Variants in GNA13 observed in about 807,000 individuals in gnomAD.
GNA13 encodes the protein G protein subunit alpha 13.
In GNA13, 4 loss-of-function variants were observed where a neutral mutation model predicts 33.5. The ratio of observed to expected loss-of-function variants is 0.12; its 90% CI spans 0.06 to 0.27. The LOEUF is 0.27. Among genes scored for constraint, GNA13 ranks in the 10% least tolerant of loss-of-function variants. The pLI, the probability that GNA13 is intolerant of heterozygous loss-of-function variation, is 1.00. For synonymous variants in GNA13, 176 were observed against 183.8 expected (o/e 0.96, Z 0.34); for missense variants, 319 against 487.2 (o/e 0.65, Z 3.25).
Position 65,056,561 on chromosome 17 carries a change from C to T in GNA13, c.33G>A (p.Leu11=). 1.9e-6 allele frequency: 3 copies of T among 1,610,688 alleles called. No individual in the cohort carries two copies. Among genetic ancestry groups the T allele is most frequent in the Non-Finnish European group, 8.5e-7 (1 of 1,179,374 alleles). ...GCAGGCAGCCGGGGAAGCACACGGA[C>T]AGCACGGACCGCGACGGCAGGAAGT... MADFLPSRSV[L]SVCFPGCLLT... is the part of the protein sequence containing the mutation. Residue 11 remains leucine (L), a synonymous_variant, in exon 1 of 4, where the codon CTG becomes CTA. Coordinates refer to ENST00000439174, the MANE Select transcript of GNA13 (RefSeq NM_006572.6).
At chr17:65,031,900 G>GAA (rs1196603641) in intron 2 of GNA13, among the ~76,000 whole-genome samples, 92 of 139,668 alleles carry the variant, frequency 6.6e-4, no homozygotes, top group African/African-American at 2.4e-3. Context: ...GAGAGAAAGA[G>GAA]AGAGAGAGAG....
At chr17:65,050,637 C>A (rs1295721480) in intron 2 of GNA13, among the ~76,000 whole-genome samples, 1 of 152,044 alleles carries the variant, frequency 6.6e-6, no homozygotes, top group African/African-American at 2.4e-5. Context: ...GAGACTGAAG[C>A]TGGAGAATCA....
At chr17:65,051,192 T>C (rs1387911399) in intron 2 of GNA13, among the ~76,000 whole-genome samples, 1 of 152,228 alleles carries the variant, frequency 6.6e-6, no homozygotes, top group Admixed American at 6.5e-5. Flanking sequence ...ATGCACTGTA[T>C]GCTTATTACA....
chr17:65,016,040 C>T (rs544092264), intron 3 of GNA13, among the ~76,000 whole-genome samples: 12 of 152,234 alleles, frequency 7.9e-5, no homozygotes, highest in African/African-American at 2.9e-4. Context: ...ACTCTAAGAC[C>T]CTGAACAAAC....
intron 2 of GNA13, among the ~76,000 whole-genome samples, chr17:65,051,419 C>T (rs1907854065): frequency 6.6e-6 from 1 of 152,122 alleles, no homozygotes. Context: ...AGTTAGAGAC[C>T]AGCTTGACCA....
intron 2 of GNA13, among the ~76,000 whole-genome samples, chr17:65,031,908 G>A (rs1354179227): frequency 7.1e-6 from 1 of 141,560 alleles, no homozygotes; most frequent in African/African-American, 3.0e-5. Flanking sequence ...GAGAGAGAGA[G>A]AGAGAGAGAG....
At chr17:65,037,787 A>AAAAAAAAAAAAAAAAAAAAAAC (rs1397963374) in intron 2 of GNA13, among the ~76,000 whole-genome samples, 5 of 149,148 alleles carry the variant, frequency 3.4e-5, no homozygotes, top group Admixed American at 6.7e-5. Flanking sequence ...GGAAAAAAAA[A>AAAAAAAAAAAAAAAAAAAAAAC]AAAAAAAAAA....
At chr17:65,019,541 A>G (rs1341337016) in intron 2 of GNA13, among the ~76,000 whole-genome samples, 1 of 152,026 alleles carries the variant, frequency 6.6e-6, no homozygotes, top group Non-Finnish European at 1.5e-5. Context: ...AGTGTAGGTC[A>G]CTATGTTAAG....
At chr17:65,029,533 G>A (rs1906923419) in intron 2 of GNA13, among the ~76,000 whole-genome samples, 1 of 152,114 alleles carries the variant, frequency 6.6e-6, no homozygotes, top group African/African-American at 2.4e-5. Flanking sequence ...AGAATTTAAT[G>A]TATCCTGATT....
intron 2 of GNA13, among the ~76,000 whole-genome samples, chr17:65,025,609 C>T (rs1906749290): frequency 1.3e-5 from 2 of 152,108 alleles, no homozygotes; most frequent in South Asian, 4.1e-4. Context: ...ATTAAACTTA[C>T]AAAATTAATT....
Position 65,014,385 on chromosome 17 carries a change from C to A in GNA13, c.1006G>T (p.Asp336Tyr). Residue 336 changes from aspartate to tyrosine, a missense_variant, in exon 4 of 4, where the codon GAC becomes TAC. Coordinates refer to ENST00000439174, the MANE Select transcript of GNA13 (RefSeq NM_006572.6). This position sits in a 1 kb window ranked among gnomAD's most constrained non-coding sequence, Gnocchi z 5.3. Reference protein sequence around the residue: ...LVECFRNKRRDQQQKPLYHHF... With the variant: ...LVECFRNKRRYQQQKPLYHHF... Reference sequence around the variant, plus strand: ...TGGTATAAGGGCTTCTGTTGCTGGTCCCGGCGTTTGTTCCGGAAACATTCC... The same window carrying A: ...TGGTATAAGGGCTTCTGTTGCTGGTACCGGCGTTTGTTCCGGAAACATTCC... 6.2e-7 allele frequency: 1 copy of A among 1,614,034 alleles called. No individual in the cohort carries two copies.
rs540052064 is a variant in GNA13, at chr17:65,027,335, A to G, written c.511-9032T>C. On this transcript the variant is annotated intron_variant, in intron 2 of 3. Transcript: ENST00000439174. The stretch of plus-strand genomic sequence containing the variant: ...CCGCCTTTTTTTTTTTTTTAAAGAG[A>G]TAGGTTTTCACTATGTTTCCCAGGC... 6.5e-5 allele frequency among the ~76,000 whole-genome samples: 9 copies of G among 138,452 alleles called. No homozygotes were observed. The East Asian group carries it at 2.1e-3, about 33-fold the overall frequency. The allele number at this position is 138,452 out of a possible 152,430, so 90.8% of individuals were successfully genotyped here. A position where few individuals can be genotyped will look rare whatever the true frequency, so the allele number is the denominator to read the frequency against.
chr17:65,020,604 A>G (rs746594239), intron 2 of GNA13, among the ~76,000 whole-genome samples: 12 of 152,104 alleles, frequency 7.9e-5, no homozygotes, highest in Non-Finnish European at 1.3e-4. Context: ...TGCTGGTTGT[A>G]ACTTGAGGCT....
chr17:65,054,479 G>A (rs1567829917), intron 1 of GNA13, among the ~76,000 whole-genome samples: 2 of 152,094 alleles, frequency 1.3e-5, no homozygotes, highest in Non-Finnish European at 2.9e-5. Flanking sequence ...GGGTTTTTTT[G>A]TTTTTGTTTT....
At chr17:65,025,161 G>A (rs1598483500) in intron 2 of GNA13, among the ~76,000 whole-genome samples, 1 of 152,162 alleles carries the variant, frequency 6.6e-6, no homozygotes, top group East Asian at 1.9e-4. Context: ...GCCTCCGGGA[G>A]TGCTGGGATT....
At chr17:65,035,781 A>AT (rs367585696) in intron 2 of GNA13, among the ~76,000 whole-genome samples, 13,732 of 146,740 alleles carry the variant, frequency 0.094, 720 homozygotes, top group Middle Eastern at 0.12. Context: ...TTCGTTGTTA[A>AT]TTTTTTTTTT....
intron 2 of GNA13, among the ~76,000 whole-genome samples, chr17:65,018,831 C>T (rs1906476974): frequency 6.6e-6 from 1 of 152,204 alleles, no homozygotes; most frequent in African/African-American, 2.4e-5. Flanking sequence ...GCCAGCTTCA[C>T]ATCTCCAACA....
intron 1 of GNA13, among the ~76,000 whole-genome samples, chr17:65,054,338 C>T (rs984220552): frequency 2.0e-5 from 3 of 152,200 alleles, no homozygotes; most frequent in African/African-American, 4.8e-5. Flanking sequence ...AATACAAAGT[C>T]GGACTCCAAC....
rs773072737 is a variant in GNA13, at chr17:65,014,664, T to C, written c.727A>G (p.Ile243Val). Residue 243 changes from isoleucine (I) to valine (V), a missense_variant, in exon 4 of 4, where the codon ATA becomes GTA. Ile to Val is a conservative substitution (Grantham distance 29). Coordinates refer to ENST00000439174, the MANE Select transcript of GNA13 (RefSeq NM_006572.6). This position sits in a 1 kb window ranked among gnomAD's most constrained non-coding sequence, Gnocchi z 5.3. The stretch of plus-strand genomic sequence containing the variant: ...TCACTTGAGGAAACAAGGAAAAGTA[T>C]TGATGTCACACTGTCGAAACATTCA... ...WFECFDSVTS[I>V]LFLVSSSEFD... The C allele has an allele frequency of 7.4e-6, 12 of 1,614,114 alleles. No homozygotes were observed. Among genetic ancestry groups the C allele is most frequent in the South Asian group, 2.2e-5 (2 of 91,090 alleles).
Sources: allele counts gnomAD v4.1 joint callset (sites outside exome capture counted in the v4.1 genomes callset), GRCh38; gene constraint gnomAD v4.1.1; non-coding constraint Gnocchi (gnomAD v3.1); transcripts MANE v1.5; gene names NCBI Gene and HGNC (gene_info 2026-07-23, HGNC 2026-07-21).